PAK5: variants seen among roughly 807,000 people sequenced by gnomAD.
PAK5 encodes p21 (RAC1) activated kinase 5.
In PAK5, 16 loss-of-function variants were observed where a neutral mutation model predicts 65.9. The observed-to-expected ratio is 0.24, with a 90% confidence interval of 0.16 to 0.37. The LOEUF (loss-of-function observed/expected upper bound fraction) is 0.37, where lower values mean the gene tolerates loss of function less well. Ranked by LOEUF, PAK5 falls within the 10% of genes least tolerant of loss-of-function variation. The pLI is 1.00. For missense variants in PAK5, 785 were observed against 903.9 expected (o/e 0.87, Z 1.69); for synonymous variants, 371 against 354.9 (o/e 1.05, Z -0.51).
intron 1 of PAK5, among the ~76,000 whole-genome samples, chr20:9,746,096 T>G (rs924662130): frequency 6.6e-6 from 1 of 152,168 alleles, no homozygotes; most frequent in Non-Finnish European, 1.5e-5. Context: ...TTCTCTTATC[T>G]GGTAATGATC....
chr20:9,726,099 G>T (rs1040347783), intron 1 of PAK5, among the ~76,000 whole-genome samples: 12 of 151,992 alleles, frequency 7.9e-5, no homozygotes, highest in Non-Finnish European at 8.8e-5. Flanking sequence ...ATAGAGGTGG[G>T]GTGGGCAGTT....
chr20:9,808,467 T>C (rs1207897976), intron 1 of PAK5, among the ~76,000 whole-genome samples: 2 of 152,176 alleles, frequency 1.3e-5, no homozygotes, highest in Non-Finnish European at 2.9e-5. Flanking sequence ...AGAAGCAGTA[T>C]TCATAATGTC....
At chr20:9,734,360 T>A (rs2123563343) in intron 1 of PAK5, among the ~76,000 whole-genome samples, 1 of 151,742 alleles carries the variant, frequency 6.6e-6, no homozygotes, top group Middle Eastern at 3.4e-3. Context: ...TTGGTAATGG[T>A]GAGTGGGAAA....
intron 3 of PAK5, among the ~76,000 whole-genome samples, chr20:9,594,132 T>G (rs919413471): frequency 2.6e-5 from 4 of 152,218 alleles, no homozygotes; most frequent in East Asian, 1.9e-4. Context: ...GGGATTCCAA[T>G]GGGCAGCCAA....
chr20:9,658,674 TAAA>T lies in PAK5; in HGVS notation c.-11-14338_-11-14336del, dbSNP rs2047302885. On this transcript the variant is annotated intron_variant, in intron 2 of 9. Coordinates refer to ENST00000353224, the MANE Select transcript of PAK5 (RefSeq NM_177990.4). ...TAACAGTGGCATGCTTCTAAGTGGT[TAAA>T]AACTGGCTATGGAAAAAGGGTAAAC... Among the ~76,000 whole-genome samples the T allele has an allele frequency of 9.2e-5, 14 of 152,258 alleles. 1 individual carries two copies. The South Asian group carries it at 2.9e-3, about 32-fold the overall frequency.
At chr20:9,751,544 T>C (rs367774716) in intron 1 of PAK5, among the ~76,000 whole-genome samples, 230 of 152,174 alleles carry the variant, frequency 1.5e-3, no homozygotes, top group African/African-American at 5.0e-3. Flanking sequence ...TACTTTCTTC[T>C]CCATTTGGAA....
At chr20:9,560,613 T>C (rs2045577190) in intron 6 of PAK5, among the ~76,000 whole-genome samples, 1 of 152,204 alleles carries the variant, frequency 6.6e-6, no homozygotes, top group South Asian at 2.1e-4. Context: ...CCTCCTGCCT[T>C]GGTCTCCCAA....
intron 8 of PAK5, among the ~76,000 whole-genome samples, chr20:9,543,870 C>G (rs574480188): frequency 6.6e-6 from 1 of 152,278 alleles, no homozygotes; most frequent in African/African-American, 2.4e-5. Context: ...ATGTTTTTGA[C>G]TATGATTCAC....
chr20:9,555,630 A>G (rs2045494495), intron 7 of PAK5, among the ~76,000 whole-genome samples: 1 of 152,200 alleles, frequency 6.6e-6, no homozygotes, highest in Non-Finnish European at 1.5e-5. Flanking sequence ...CTCATATGGA[A>G]GATTAAGAAA....
intron 1 of PAK5, among the ~76,000 whole-genome samples, chr20:9,798,526 G>A (rs2049132045): frequency 1.3e-5 from 2 of 152,200 alleles, no homozygotes; most frequent in East Asian, 3.9e-4. Context: ...TCCCTCTGGT[G>A]GTTTCTGTTT....
chr20:9,789,690 G>A (rs557976938), intron 1 of PAK5, among the ~76,000 whole-genome samples: 16 of 152,190 alleles, frequency 1.1e-4, no homozygotes, highest in Admixed American at 1.0e-3. Flanking sequence ...GATGGTCTGG[G>A]GAAGATGGGA....
chr20:9,681,112 G>T, intron 2 of PAK5, among the ~76,000 whole-genome samples: 1 of 152,098 alleles, frequency 6.6e-6, no homozygotes, highest in Non-Finnish European at 1.5e-5. Context: ...CTTTCTGGTG[G>T]AATGATTCTT....
In PAK5 at chr20:9,638,333, G is replaced by A. The variant is rs113052455; in HGVS notation, c.204+5792C>T. Among the ~76,000 whole-genome samples the A allele has an allele frequency of 7.0e-3, 1,064 of 152,304 alleles. 13 individuals carry two copies. Among genetic ancestry groups the A allele is most frequent in the African/African-American group, 0.024 (989 of 41,562 alleles). ...GGAACCTCCCCCTTGGGGTATTCAG[G>A]TTATCTTGGCTAGCCCTACATGGCC... is the stretch of plus-strand genomic sequence containing the variant. On this transcript the variant is annotated intron_variant, in intron 3 of 9. Transcript: ENST00000353224.
At chr20:9,563,705 G>C (rs2122981440) in intron 5 of PAK5, among the ~76,000 whole-genome samples, 1 of 152,268 alleles carries the variant, frequency 6.6e-6, no homozygotes, top group Non-Finnish European at 1.5e-5. Flanking sequence ...ATAAACTACA[G>C]AATTATTTAT....
chr20:9,626,072 A>T (rs2046839839), intron 3 of PAK5, among the ~76,000 whole-genome samples: 1 of 152,106 alleles, frequency 6.6e-6, no homozygotes, highest in African/African-American at 2.4e-5. Flanking sequence ...GGATTCAAAG[A>T]CTCGACCTTT....
rs2123002488 is a variant in PAK5, at chr20:9,566,360, C to A, written c.1015G>T (p.Val339Phe). Reference protein sequence around the residue: ...PKVDYDRAQMVLSPPLSGSDT... With the variant: ...PKVDYDRAQMFLSPPLSGSDT... ...GACCCTGACAGTGGAGGGCTGAGGA[C>A]CATCTGTGCTCGATCGTAATCCACC... Residue 339 changes from valine (V) to phenylalanine (F), a missense_variant, in exon 5 of 10, where the codon GTC becomes TTC. By Grantham distance (50) the Val-to-Phe change is conservative (BLOSUM62 -1). Transcript: ENST00000353224. 1 of 1,613,326 alleles carries A rather than the reference C, an allele frequency of 6.2e-7. No individual in the cohort carries two copies. The highest frequency in any genetic ancestry group is 8.5e-7 in the Non-Finnish European group (1 of 1,179,716).
At position 9,539,185 on chromosome 20, in the gene PAK5, A is replaced by T. The variant is rs1373192840; in HGVS notation, c.*277T>A. ...TAGGATATATCATAACGGAGTTTGT[A>T]CTGAGTCCTTCTGATTTGCTGGATG... On this transcript the variant is annotated 3_prime_UTR_variant, in exon 10 of 10. Transcript: ENST00000353224. The T allele has an allele frequency of 2.9e-6, 1 of 344,972 alleles. No individual in the cohort carries two copies. The highest frequency in any genetic ancestry group is 5.4e-6 in the Non-Finnish European group (1 of 185,516). The allele number at this position is 344,972 out of a possible 1,614,324, so 21.4% of individuals were successfully genotyped here. A position where few individuals can be genotyped will look rare whatever the true frequency, so the allele number is the denominator to read the frequency against.
At chr20:9,695,350 T>C (rs1473945565) in intron 2 of PAK5, among the ~76,000 whole-genome samples, 3 of 152,116 alleles carry the variant, frequency 2.0e-5, no homozygotes, top group Admixed American at 1.3e-4. Context: ...ATTTGATGAA[T>C]ACTTGTTAGT....
At chr20:9,638,846 G>C (rs1367665791) in intron 3 of PAK5, among the ~76,000 whole-genome samples, 4 of 152,140 alleles carry the variant, frequency 2.6e-5, no homozygotes, top group Non-Finnish European at 5.9e-5. Context: ...CTCGGAACTA[G>C]CTTGGCAAAG....
Sources: allele counts gnomAD v4.1 joint callset (sites outside exome capture counted in the v4.1 genomes callset), GRCh38; gene constraint gnomAD v4.1.1; transcripts MANE v1.5; gene names NCBI Gene and HGNC (gene_info 2026-07-23, HGNC 2026-07-21).